Variants in PALLD observed in about 807,000 individuals in gnomAD.
The protein encoded by PALLD is palladin, cytoskeletal associated protein, also known as palladin.
PALLD carries 61 observed loss-of-function variants against 123.5 expected under a neutral mutation model. The observed-to-expected ratio is 0.49, with a 90% CI of 0.40 to 0.61. The LOEUF (loss-of-function observed/expected upper bound fraction) is 0.61, where lower values mean the gene tolerates loss of function less well. PALLD is among the 20% of genes least tolerant of loss of function. The pLI is 0.00. For missense variants in PALLD, 1,273 were observed against 1,377.0 expected, an observed-to-expected ratio of 0.92 and a Z score of 1.20; for synonymous variants, 465 against 496.4, an observed-to-expected ratio of 0.94 and a Z score of 0.84.
At chr4:168,763,130 C>T (rs868390004) in intron 10 of PALLD, among the ~76,000 whole-genome samples, 6 of 152,112 alleles carry the variant, frequency 3.9e-5, no homozygotes, top group African/African-American at 1.2e-4. Flanking sequence ...ATGTAACAAA[C>T]GTGGACATTC....
intron 2 of PALLD, among the ~76,000 whole-genome samples, chr4:168,546,436 T>G (rs1462238374): frequency 6.6e-6 from 1 of 151,890 alleles, no homozygotes; most frequent in Non-Finnish European, 1.5e-5. Context: ...CAGAAAATCT[T>G]TGTGTGAGTG....
chr4:168,653,747 T>C (rs957006854), intron 2 of PALLD, among the ~76,000 whole-genome samples: 3 of 152,182 alleles, frequency 2.0e-5, no homozygotes, highest in Non-Finnish European at 4.4e-5. Flanking sequence ...GAGTCTCATC[T>C]GGAGACTCCC....
At chr4:168,715,172 C>A (rs1164197645) in intron 10 of PALLD, among the ~76,000 whole-genome samples, 1 of 152,076 alleles carries the variant, frequency 6.6e-6, no homozygotes, top group African/African-American at 2.4e-5. Flanking sequence ...GGGTTCCTGG[C>A]CCAGTCTGTG....
chr4:168,773,825 C>T (rs572123188), intron 10 of PALLD, among the ~76,000 whole-genome samples: 3 of 152,240 alleles, frequency 2.0e-5, no homozygotes, highest in Admixed American at 6.5e-5. Flanking sequence ...CGAAAGGTCA[C>T]GGGTACACAC....
At chr4:168,626,857 A>G (rs1775349135) in intron 2 of PALLD, among the ~76,000 whole-genome samples, 1 of 152,240 alleles carries the variant, frequency 6.6e-6, no homozygotes, top group Non-Finnish European at 1.5e-5. Context: ...TCAGTCACAA[A>G]AAGACAAATA....
At chr4:168,648,353 T>C (rs1306781507) in intron 2 of PALLD, 1 of 152,108 alleles carries the variant, frequency 6.6e-6, no homozygotes, top group Non-Finnish European at 1.5e-5. Flanking sequence ...ATCTATGGCA[T>C]AATGAAGGGG....
intron 2 of PALLD, chr4:168,648,049 G>A (rs1777653228): frequency 6.6e-6 from 1 of 151,936 alleles, no homozygotes; most frequent in Admixed American, 6.6e-5. Context: ...TGGGACTGTT[G>A]ACAGCTTCTG....
intron 11 of PALLD, chr4:168,894,351 G>T: frequency 1.3e-5 from 7 of 555,190 alleles, no homozygotes; most frequent in Non-Finnish European, 6.4e-6. Context: ...CTTTAAATTT[G>T]TGCTGTACCA....
intron 2 of PALLD, among the ~76,000 whole-genome samples, chr4:168,516,143 TAGA>T (rs1762971235): frequency 1.3e-5 from 2 of 152,330 alleles, no homozygotes; most frequent in South Asian, 4.1e-4. Flanking sequence ...GAAGAGCTGA[TAGA>T]AGAAAACCCT....
At chr4:168,893,103 G>T (rs926467147) in intron 11 of PALLD, among the ~76,000 whole-genome samples, 1 of 152,164 alleles carries the variant, frequency 6.6e-6, no homozygotes, top group Non-Finnish European at 1.5e-5. Context: ...GTGCATTCTG[G>T]TGAAGGAATA....
chr4:168,898,829 G>C, intron 14 of PALLD, 115 bp downstream of exon 14: 1 of 761,442 alleles, frequency 1.3e-6, no homozygotes. Context: ...CAATACCCAC[G>C]ATATAAAGGG....
intron 10 of PALLD, among the ~76,000 whole-genome samples, chr4:168,867,323 T>C (rs1177456200): frequency 6.6e-6 from 1 of 152,192 alleles, no homozygotes; most frequent in Non-Finnish European, 1.5e-5. Flanking sequence ...ATAGTCATGC[T>C]TGATGAAATT....
chr4:168,604,809 C>A (rs1283519015), intron 2 of PALLD, among the ~76,000 whole-genome samples: 1 of 152,194 alleles, frequency 6.6e-6, no homozygotes, highest in African/African-American at 2.4e-5. Flanking sequence ...GAATGCCTGG[C>A]AGACTCAGTC....
At chr4:168,902,356 G>A (rs9994211) in intron 14 of PALLD, among the ~76,000 whole-genome samples, 110,472 of 152,122 alleles carry the variant, frequency 0.73, 40,796 homozygotes, top group East Asian at 0.96. Context: ...TGCTTATCTA[G>A]TAAGTCTGCA....
intron 10 of PALLD, among the ~76,000 whole-genome samples, chr4:168,744,871 G>C (rs1468350952): frequency 6.6e-6 from 1 of 152,176 alleles, no homozygotes; most frequent in East Asian, 1.9e-4. Context: ...TAATAGAAGT[G>C]TTCAGAGCAC....
chr4:168,748,580 C>G (rs1287840576), intron 10 of PALLD, among the ~76,000 whole-genome samples: 1 of 152,186 alleles, frequency 6.6e-6, no homozygotes, highest in Admixed American at 6.5e-5. Flanking sequence ...GATCAGGAAT[C>G]CAAGCATAGG....
intron 12 of PALLD, 56 bp downstream of exon 12, chr4:168,894,733 TCTTC>T: frequency 2.5e-6 from 4 of 1,582,746 alleles, no homozygotes; most frequent in Non-Finnish European, 3.4e-6. Context: ...CCCTTTTCCA[TCTTC>T]CTTATGGATA....
intron 2 of PALLD, among the ~76,000 whole-genome samples, chr4:168,524,593 A>G (rs2149463960): frequency 6.6e-6 from 1 of 152,192 alleles, no homozygotes; most frequent in Middle Eastern, 3.4e-3. Flanking sequence ...GCATTAACGA[A>G]TCTGTACATT....
At chr4:168,865,855 T>C (rs530299359) in intron 10 of PALLD, among the ~76,000 whole-genome samples, 6 of 152,228 alleles carry the variant, frequency 3.9e-5, no homozygotes, top group Non-Finnish European at 7.4e-5. Context: ...TGCAAAGATA[T>C]GAAAGAAAGA....
Sources: allele counts gnomAD v4.1 joint callset (sites outside exome capture counted in the v4.1 genomes callset), GRCh38; gene constraint gnomAD v4.1.1; transcripts MANE v1.5; gene names NCBI Gene and HGNC (gene_info 2026-07-23, HGNC 2026-07-21).